The following TBC1D8 variants were observed in gnomAD, a reference collection of about 807,000 sequenced individuals.
TBC1D8 encodes the protein BUB2-like protein 1.
Under a neutral mutation model 118.8 loss-of-function variants are expected in TBC1D8, and 65 were observed. The observed-to-expected ratio is 0.55, with a 90% CI of 0.45 to 0.67. The LOEUF is 0.67. Among genes scored for constraint, TBC1D8 ranks in the 30% least tolerant of loss-of-function variants. TBC1D8 has a pLI of 0.00. For synonymous variants in TBC1D8, 566 were observed against 595.8 expected, an observed-to-expected ratio of 0.95 and a Z score of 0.73; for missense variants, 1,376 against 1,471.2, an observed-to-expected ratio of 0.94 and a Z score of 1.06.
intron 17 of TBC1D8, chr2:101,017,963 CATT>C (rs1679776518): frequency 8.4e-6 from 13 of 1,547,052 alleles, no homozygotes; most frequent in South Asian, 2.4e-5. Flanking sequence ...GGTGAAAAGT[CATT>C]ATAGAGGATT....
intron 5 of TBC1D8, among the ~76,000 whole-genome samples, chr2:101,046,910 A>G (rs753569155): frequency 2.0e-5 from 3 of 152,210 alleles, no homozygotes; most frequent in Non-Finnish European, 2.9e-5. Context: ...ATCTTCAGCC[A>G]GTCAAAACAG....
chr2:101,090,471 A>T, intron 1 of TBC1D8, 107 bp from the exon 2 acceptor site: 3 of 1,220,786 alleles, frequency 2.5e-6, no homozygotes, highest in Non-Finnish European at 2.3e-6. Flanking sequence ...GGGGTAGCAG[A>T]GACAGTTTTA....
intron 2 of TBC1D8, among the ~76,000 whole-genome samples, chr2:101,062,345 C>A (rs754054767): frequency 1.3e-5 from 2 of 151,436 alleles, no homozygotes; most frequent in African/African-American, 2.4e-5. Flanking sequence ...AAAAAGGGAG[C>A]ATTTTATGGG....
chr2:101,059,313 C>A, intron 3 of TBC1D8, 108 bp downstream of exon 3: 1 of 818,660 alleles, frequency 1.2e-6, no homozygotes, highest in Non-Finnish European at 2.0e-6. Context: ...ACGTATTGAG[C>A]CAAAAGTTCA....
At chr2:101,079,144 T>C (rs1246508028) in intron 2 of TBC1D8, among the ~76,000 whole-genome samples, 1 of 152,144 alleles carries the variant, frequency 6.6e-6, no homozygotes, top group Non-Finnish European at 1.5e-5. Flanking sequence ...AAGGAATCAT[T>C]TAATAAAAAG....
At chr2:101,052,666 G>A (rs187303111) in intron 4 of TBC1D8, among the ~76,000 whole-genome samples, 61 of 152,004 alleles carry the variant, frequency 4.0e-4, no homozygotes, top group Admixed American at 1.0e-3. Flanking sequence ...TAGTAGAGGC[G>A]GGGTTTCCAC....
At chr2:101,033,020 T>G (rs1160528519) in intron 10 of TBC1D8, 2 of 211,314 alleles carry the variant, frequency 9.5e-6, no homozygotes, top group Non-Finnish European at 1.9e-5. Context: ...ATTCTATTAA[T>G]GCCCTCCTAC....
In TBC1D8 at chr2:101,054,324, C is replaced by T. The variant is rs868408568; in HGVS notation, c.415G>A (p.Glu139Lys). 10 of 1,562,502 alleles carry T rather than the reference C, an allele frequency of 6.4e-6. No individual in the cohort carries two copies. The highest frequency in any genetic ancestry group is 2.4e-5 in the East Asian group (1 of 41,892). The change falls in exon 4 of 20, where the codon GAG (glutamate) becomes AAG (lysine). Residue 139 changes from glutamate to lysine, a missense_variant. Transcript: ENST00000409318. Reference sequence around the variant, plus strand: ...TCGGCGAGCCTGCTGCTGGTCTCCTCGGCTATCAGAGCCTGACACACAGAG... The same window carrying T: ...TCGGCGAGCCTGCTGCTGGTCTCCTTGGCTATCAGAGCCTGACACACAGAG... ...VKGKVKALIA[E>K]ETSSRLAEQE...
intron 17 of TBC1D8, chr2:101,019,013 G>C: frequency 1.2e-6 from 2 of 1,612,660 alleles, no homozygotes; most frequent in Non-Finnish European, 1.7e-6. Context: ...GTGCTAAACA[G>C]TGTTACAGTC....
chr2:101,135,469 A>G (rs960493860), intron 1 of TBC1D8, among the ~76,000 whole-genome samples: 54 of 152,140 alleles, frequency 3.5e-4, no homozygotes, highest in Non-Finnish European at 6.0e-4. Flanking sequence ...TCCCCCATGT[A>G]ATATACCAAA....
At position 101,151,280 on chromosome 2, in the gene TBC1D8, C is replaced by A; in HGVS notation, c.-27G>T. The A allele has an allele frequency of 8.8e-7, 1 of 1,134,750 alleles. No homozygotes were observed. The allele number at this position is 1,134,750 out of a possible 1,614,324, so 70.3% of individuals were successfully genotyped here. ...GCGGCGGTCCGGCCGCGCCCGCCGG[C>A]CCCAGCTCACATCTCCCCGGCCGCC... On this transcript the variant is annotated 5_prime_UTR_variant, in exon 1 of 20. Coordinates refer to ENST00000409318, the MANE Select transcript of TBC1D8 (RefSeq NM_001330348.2).
intron 1 of TBC1D8, among the ~76,000 whole-genome samples, chr2:101,092,540 T>A (rs1676110551): frequency 6.6e-6 from 1 of 152,336 alleles, no homozygotes; most frequent in Admixed American, 6.5e-5. Context: ...CTTATATCAG[T>A]ATGGCCTCAT....
intron 6 of TBC1D8, 122 bp downstream of exon 6, chr2:101,040,056 A>T: frequency 2.6e-6 from 3 of 1,132,890 alleles, no homozygotes; most frequent in Non-Finnish European, 3.8e-6. Context: ...GGAGTCATCC[A>T]TCTTTAGATG....
intron 5 of TBC1D8, among the ~76,000 whole-genome samples, chr2:101,041,880 C>T (rs953354543): frequency 6.6e-6 from 1 of 151,944 alleles, no homozygotes; most frequent in Admixed American, 6.6e-5. Flanking sequence ...CAAACATCAG[C>T]TGGGTGTGTT....
At chr2:101,128,638 C>T (rs921177187) in intron 1 of TBC1D8, among the ~76,000 whole-genome samples, 24 of 152,318 alleles carry the variant, frequency 1.6e-4, no homozygotes, top group East Asian at 1.3e-3. Context: ...TATTTGTACA[C>T]CTGTTTTCAC....
chr2:101,050,060 C>T (rs1024251950), intron 5 of TBC1D8, among the ~76,000 whole-genome samples: 7 of 152,132 alleles, frequency 4.6e-5, no homozygotes, highest in Admixed American at 2.6e-4. Flanking sequence ...ATCTCCTGAC[C>T]TCGTGATCCA....
intron 5 of TBC1D8, among the ~76,000 whole-genome samples, chr2:101,049,469 C>T (rs1238504069): frequency 1.3e-5 from 2 of 152,134 alleles, no homozygotes; most frequent in Non-Finnish European, 2.9e-5. Flanking sequence ...TGGCTCACAC[C>T]TGTAATCCCA....
At chr2:101,040,104 C>A in intron 6 of TBC1D8, 74 bp downstream of exon 6, 1 of 1,529,742 alleles carries the variant, frequency 6.5e-7, no homozygotes, top group Non-Finnish European at 8.9e-7. Flanking sequence ...TCCCACACTC[C>A]ATCTCACAGC....
chr2:101,096,467 A>G (rs1196869912), intron 1 of TBC1D8, among the ~76,000 whole-genome samples: 2 of 151,682 alleles, frequency 1.3e-5, no homozygotes, highest in African/African-American at 2.4e-5. Context: ...ACGCTACAAC[A>G]AAGTCTGAAG....
Sources: allele counts gnomAD v4.1 joint callset (sites outside exome capture counted in the v4.1 genomes callset), GRCh38; gene constraint gnomAD v4.1.1; transcripts MANE v1.5; gene names NCBI Gene and HGNC (gene_info 2026-07-23, HGNC 2026-07-21).